The following DNAJC13 variants were observed in gnomAD, a reference collection of about 807,000 sequenced individuals.
DNAJC13 encodes dnaJ homolog subfamily C member 13.
DNAJC13 carries 75 observed loss-of-function variants against 290.5 expected under a neutral mutation model. That is an observed-to-expected ratio of 0.26 (90% CI 0.21 to 0.31). DNAJC13 has a LOEUF of 0.31. Among genes scored for constraint, DNAJC13 ranks in the 10% least tolerant of loss-of-function variants. DNAJC13 has a pLI of 1.00. For synonymous variants in DNAJC13, 862 were observed against 892.0 expected, an observed-to-expected ratio of 0.97 and a Z score of 0.60; for missense variants, 2,260 against 2,674.5, an observed-to-expected ratio of 0.85 and a Z score of 3.42.
At chr3:132,443,976 A>T (rs1187592325) in intron 2 of DNAJC13, among the ~76,000 whole-genome samples, 1 of 152,204 alleles carries the variant, frequency 6.6e-6, no homozygotes, top group East Asian at 1.9e-4. Flanking sequence ...CCTTAGCCAC[A>T]TTTCAAGTGC....
intron 13 of DNAJC13, among the ~76,000 whole-genome samples, chr3:132,458,732 C>A (rs1460428319): frequency 1.3e-5 from 2 of 152,008 alleles, no homozygotes; most frequent in Non-Finnish European, 2.9e-5. Context: ...ATGAAGCTTA[C>A]CAAATATACA....
chr3:132,488,561 G>A (rs1225291915), intron 30 of DNAJC13, 109 bp downstream of exon 30: 2 of 1,143,778 alleles, frequency 1.7e-6, no homozygotes, highest in East Asian at 2.6e-5. Flanking sequence ...AATTATAATT[G>A]TAAAGGCTAT....
At chr3:132,481,882 A>G (rs191393914) in intron 26 of DNAJC13, among the ~76,000 whole-genome samples, 34 of 152,344 alleles carry the variant, frequency 2.2e-4, no homozygotes, top group Non-Finnish European at 3.8e-4. Flanking sequence ...CTATTTACAT[A>G]ACTATTTGCA....
chr3:132,492,913 C>A (rs1448175060), intron 33 of DNAJC13, among the ~76,000 whole-genome samples: 2 of 151,770 alleles, frequency 1.3e-5, no homozygotes, highest in African/African-American at 4.8e-5. Context: ...TACTATAATA[C>A]CTTGGTGGAA....
At position 132,475,107 on chromosome 3, in the gene DNAJC13, ATAT is replaced by A. The variant is rs776280592; in HGVS notation, c.2445+25_2445+27del. On this transcript the variant is annotated intron_variant, in intron 22 of 55. Coordinates refer to ENST00000260818, the MANE Select transcript of DNAJC13 (RefSeq NM_015268.4). ...TGAGGTAAAGTTTGATTTTTCCAGTATATTAATCTTAAAAAATAAAGCATGTAC... is the reference window on the plus strand; with the variant it reads ...TGAGGTAAAGTTTGATTTTTCCAGTATAATCTTAAAAAATAAAGCATGTAC... 2.5e-5 allele frequency: 38 copies of A among 1,530,396 alleles called. No individual in the cohort carries two copies. In the South Asian group the frequency reaches 4.0e-4, roughly 16 times the overall value. The allele number at this position is 1,530,396 out of a possible 1,614,324, so 94.8% of individuals were successfully genotyped here. A position where few individuals can be genotyped will look rare whatever the true frequency, so the allele number is the denominator to read the frequency against.
chr3:132,460,436 A>G (rs928445077), intron 14 of DNAJC13, 79 bp downstream of exon 14: 2 of 758,072 alleles, frequency 2.6e-6, no homozygotes, highest in Non-Finnish European at 4.1e-6. Context: ...CACGTGGATG[A>G]TTTTTTTTTT....
chr3:132,513,905 A>G (rs1935848320), intron 45 of DNAJC13, among the ~76,000 whole-genome samples: 2 of 152,206 alleles, frequency 1.3e-5, no homozygotes, highest in Non-Finnish European at 2.9e-5. Context: ...TAGATGGTTT[A>G]TGAATAATTT....
intron 14 of DNAJC13, 66 bp from the exon 15 acceptor site, chr3:132,460,984 T>G (rs760205746): frequency 5.6e-6 from 8 of 1,432,020 alleles, no homozygotes; most frequent in Non-Finnish European, 7.7e-6. Flanking sequence ...GAACACATTA[T>G]TGTTAAAATT....
chr3:132,460,740 GTTTTGCAAATATTGTCAAATATTATT>G (rs1322613450), intron 14 of DNAJC13, among the ~76,000 whole-genome samples: 2 of 152,162 alleles, frequency 1.3e-5, no homozygotes, highest in Non-Finnish European at 2.9e-5. Context: ...GATTGCCAGA[GTTTTGCAAATATTGTCAAATATTATT>G]TTTTGCAAAT....
At position 132,514,552 on chromosome 3, in the gene DNAJC13, C is replaced by T; in HGVS notation, c.5386-19C>T. ...AAATTATTTCTGAAACTTTTACTAT[C>T]CTGTTGATTAATTTTCAGGTTGTGA... is the stretch of plus-strand genomic sequence containing the variant. On this transcript the variant is annotated intron_variant, in intron 45 of 55. Transcript: ENST00000260818. The T allele has an allele frequency of 1.3e-6, 2 of 1,561,962 alleles. No homozygotes were observed. Among genetic ancestry groups the T allele is most frequent in the South Asian group, 2.3e-5 (2 of 87,210 alleles).
intron 22 of DNAJC13, among the ~76,000 whole-genome samples, chr3:132,477,157 A>G (rs901462431): frequency 2.0e-5 from 3 of 152,240 alleles, no homozygotes; most frequent in Non-Finnish European, 4.4e-5. Context: ...GTTTTATATA[A>G]TTTATATTTT....
At chr3:132,509,157 G>A (rs1309225623) in intron 43 of DNAJC13, among the ~76,000 whole-genome samples, 1 of 152,226 alleles carries the variant, frequency 6.6e-6, no homozygotes, top group Admixed American at 6.5e-5. Flanking sequence ...CTTCTGGAAA[G>A]GATTCACCTT....
chr3:132,493,402 G>C (rs545878305), intron 33 of DNAJC13, among the ~76,000 whole-genome samples: 1 of 151,764 alleles, frequency 6.6e-6, no homozygotes, highest in East Asian at 1.9e-4. Context: ...GTAGACTCTG[G>C]TACTTATTCA....
rs1415441759 is a variant in DNAJC13, at chr3:132,507,359, C to G, written c.5115+6C>G. 6.7e-7 allele frequency: 1 copy of G among 1,492,850 alleles called. No individual in the cohort carries two copies. The allele number at this position is 1,492,850 out of a possible 1,614,324, so 92.5% of individuals were successfully genotyped here. A position where few individuals can be genotyped will look rare whatever the true frequency, so the allele number is the denominator to read the frequency against. ...TTCCTACTTTCCAACTGGAGGTAAG[C>G]TCTCTGCTTTTAATTTTACCTGATA... On this transcript the variant is annotated splice_donor_region_variant and intron_variant, in intron 43 of 55. Coordinates refer to ENST00000260818, the MANE Select transcript of DNAJC13 (RefSeq NM_015268.4).
At chr3:132,464,446 TATTAGTAAA>T (rs1163192408) in intron 17 of DNAJC13, among the ~76,000 whole-genome samples, 1 of 152,220 alleles carries the variant, frequency 6.6e-6, no homozygotes, top group Admixed American at 6.5e-5. Flanking sequence ...TTATGACTCA[TATTAGTAAA>T]AACAGTATCA....
At chr3:132,496,151 C>G (rs966106800) in intron 35 of DNAJC13, among the ~76,000 whole-genome samples, 1 of 152,106 alleles carries the variant, frequency 6.6e-6, no homozygotes, top group South Asian at 2.1e-4. Context: ...ATGGTACACA[C>G]TTTACATGGC....
intron 46 of DNAJC13, chr3:132,514,921 T>TAAGGCGACCACC: frequency 5.1e-6 from 1 of 194,552 alleles, no homozygotes; most frequent in South Asian, 4.3e-5. Context: ...TTCAGTTTGT[T>TAAGGCGACCACC]GAGATCTACA....
Position 132,477,892 on chromosome 3 carries a change from C to T in DNAJC13, c.2549C>T (p.Ser850Leu), listed in dbSNP as rs1282433506. Residue 850 changes from serine to leucine, a missense_variant and splice_region_variant, in exon 23 of 56, where the codon TCG (serine) becomes TTG (leucine). Transcript: ENST00000260818. ...ENEESGSIKRSYEFFNELYHR... is the reference protein window; with the variant it reads ...ENEESGSIKRLYEFFNELYHR... ...GAAGAAAGTGGATCAATTAAGAGAT[C>T]GTGAGCTACTCTGTATATCCTGTCG... is the stretch of plus-strand genomic sequence containing the variant. 1.9e-6 allele frequency: 3 copies of T among 1,611,602 alleles called. No individual in the cohort carries two copies. The highest frequency in any genetic ancestry group is 1.7e-5 in the Admixed American group (1 of 59,794).
intron 54 of DNAJC13, among the ~76,000 whole-genome samples, chr3:132,530,428 T>A (rs553748230): frequency 6.6e-5 from 10 of 152,260 alleles, no homozygotes; most frequent in Non-Finnish European, 1.5e-4. Flanking sequence ...TTCCCACACA[T>A]GTATTATTTA....
Sources: allele counts gnomAD v4.1 joint callset (sites outside exome capture counted in the v4.1 genomes callset), GRCh38; gene constraint gnomAD v4.1.1; transcripts MANE v1.5; gene names NCBI Gene and HGNC (gene_info 2026-07-23, HGNC 2026-07-21).